The following NUTM1 variants were observed in gnomAD, a reference collection of about 807,000 sequenced individuals.
NUTM1 encodes NUT midline carcinoma family member 1, also known as NUT family member 1.
NUTM1 carries 39 observed loss-of-function variants against 88.7 expected under a neutral mutation model. That is an observed-to-expected ratio of 0.44 (90% confidence interval 0.34 to 0.57). The LOEUF (loss-of-function observed/expected upper bound fraction) is 0.57. NUTM1 is among the 20% of genes least tolerant of loss of function. The pLI is 0.01. For missense variants in NUTM1, 1,350 were observed against 1,414.5 expected, an observed-to-expected ratio of 0.95 and a Z score of 0.73; for synonymous variants, 494 against 538.0, an observed-to-expected ratio of 0.92 and a Z score of 1.13.
In NUTM1 at chr15:34,354,752, C is replaced by G. The variant is rs949822631; in HGVS notation, c.1362+20C>G. 5 of 1,612,872 alleles carry G rather than the reference C, an allele frequency of 3.1e-6. No homozygotes were observed. The highest frequency in any genetic ancestry group is 3.4e-6 in the Non-Finnish European group (4 of 1,179,430). ...TCCAAGGTGAGCTGGGCCTGCACAT[C>G]TTGTTTCTAGCAGATCCTTGGGGTG... On this transcript the variant is annotated intron_variant, in intron 6 of 7. Coordinates refer to ENST00000537011, the MANE Select transcript of NUTM1 (RefSeq NM_001284292.2).
chr15:34,352,689 C>T (rs1185650207), intron 4 of NUTM1, among the ~76,000 whole-genome samples: 2 of 149,594 alleles, frequency 1.3e-5, no homozygotes, highest in Non-Finnish European at 3.0e-5. Context: ...ACCTGTAGTC[C>T]CAGCTACTCA....
chr15:34,356,739 G>A lies in NUTM1; in HGVS notation c.2731G>A (p.Glu911Lys). 1.9e-6 allele frequency: 3 copies of A among 1,613,186 alleles called. No homozygotes were observed. The highest frequency in any genetic ancestry group is 2.5e-6 in the Non-Finnish European group (3 of 1,179,832). ...DASSLPEASQEAGSRGNSFSP... is the reference protein window; with the variant it reads ...DASSLPEASQKAGSRGNSFSP... ...CTCCTCCTTGCCTGAAGCCAGTCAA[G>A]AGGCAGGGAGCAGAGGCAATTCCTT... Residue 911 changes from glutamate to lysine, a missense_variant, in exon 8 of 8, where the codon GAG (glutamate) becomes AAG (lysine). Around this residue, in one of 5 missense-constraint regions of NUTM1, gnomAD observed 730 missense variants for 728.8 expected, o/e 1.00. Coordinates refer to ENST00000537011, the MANE Select transcript of NUTM1 (RefSeq NM_001284292.2).
chr15:34,353,659 T>C, intron 4 of NUTM1, 77 bp from the exon 5 acceptor site: 5 of 1,568,352 alleles, frequency 3.2e-6, no homozygotes, highest in South Asian at 2.3e-5. Flanking sequence ...TTCTTGGCCA[T>C]GCTTGGCTGT....
chr15:34,346,226 A>G (rs1890583870), intron 2 of NUTM1, among the ~76,000 whole-genome samples, 191 bp downstream of exon 2: 1 of 152,182 alleles, frequency 6.6e-6, no homozygotes, highest in African/African-American at 2.4e-5. Context: ...TTAAGGACAG[A>G]TTAAGGTGTC....
At chr15:34,347,819 C>T in intron 2 of NUTM1, 150 bp from the exon 3 acceptor site, 2 of 459,290 alleles carry the variant, frequency 4.4e-6, no homozygotes, top group Non-Finnish European at 7.4e-6. Context: ...TGCCACTGCA[C>T]TCCAGCCTGG....
In NUTM1 at chr15:34,343,533, C is replaced by T; in HGVS notation, c.-164C>T. The T allele has an allele frequency of 6.7e-7, 1 of 1,497,848 alleles. No homozygotes were observed. The highest frequency in any genetic ancestry group is 1.2e-5 in the South Asian group (1 of 82,134). The allele number at this position is 1,497,848 out of a possible 1,614,324, so 92.8% of individuals were successfully genotyped here. ...CCTCCCCTCTTTTACATCCAGTTCC[C>T]CTGCTCCATTTCAAAGCGTTGGCGG... On this transcript the variant is annotated 5_prime_UTR_variant, in exon 1 of 8. Transcript: ENST00000537011.
chr15:34,356,618 A>T lies in NUTM1; in HGVS notation c.2610A>T (p.Pro870=). 6.2e-7 allele frequency: 1 copy of T among 1,613,932 alleles called. No individual in the cohort carries two copies. ...ATCTGTGGGCAGAAGGTTGCTTCCC[A>T]TTGCTAGAAAGTGGTGATTCCACAC... The part of the protein sequence containing the change: ...PSDLWAEGCF[P]LLESGDSTLG... Residue 870 remains proline, a synonymous_variant, in exon 8 of 8, where the codon CCA becomes CCT. Transcript: ENST00000537011.
Position 34,343,474 on chromosome 15 carries a change from C to A in NUTM1, c.-223C>A. The A allele has an allele frequency of 9.5e-7, 1 of 1,055,282 alleles. No homozygotes were observed. Among genetic ancestry groups the A allele is most frequent in the South Asian group, 1.6e-5 (1 of 60,942 alleles). The allele number at this position is 1,055,282 out of a possible 1,614,324, so 65.4% of individuals were successfully genotyped here. ...ACAAGGGCTCCAGGATTCAGAGCCC[C>A]TTTACCCTAGGGAAGAAAGAAGAGG... is the stretch of plus-strand genomic sequence containing the variant. On this transcript the variant is annotated 5_prime_UTR_variant, in exon 1 of 8. Transcript: ENST00000537011.
chr15:34,353,965 G>T, intron 5 of NUTM1, 93 bp downstream of exon 5: 1 of 1,404,564 alleles, frequency 7.1e-7, no homozygotes, highest in Non-Finnish European at 9.8e-7. Flanking sequence ...GCATAGCCCA[G>T]GCTCTGCCAC....
At position 34,356,455 on chromosome 15, in the gene NUTM1, G is replaced by T. The variant is rs1203399207; in HGVS notation, c.2447G>T (p.Cys816Phe). The T allele has an allele frequency of 6.2e-7, 1 of 1,612,620 alleles. No individual in the cohort carries two copies. The highest frequency in any genetic ancestry group is 8.5e-7 in the Non-Finnish European group (1 of 1,179,136). Residue 816 changes from cysteine (C) to phenylalanine (F), a missense_variant, in exon 8 of 8, where the codon TGT becomes TTT. Around this residue, in one of 5 missense-constraint regions of NUTM1, gnomAD observed 730 missense variants for 728.8 expected, o/e 1.00. Transcript: ENST00000537011. ...GATACGGAGAGCAGTGTGATTCCCT[G>T]TGGAGGCACAGTTGCGGCAGCTGCC... ...PGDTESSVIP[C>F]GGTVAAAALE...
chr15:34,344,873 C>A (rs923354358), intron 1 of NUTM1, among the ~76,000 whole-genome samples: 1 of 152,016 alleles, frequency 6.6e-6, no homozygotes, highest in East Asian at 1.9e-4. Context: ...AAAAAATTAG[C>A]CGGGCATGGT....
At chr15:34,349,371 A>T (rs942587179) in intron 3 of NUTM1, among the ~76,000 whole-genome samples, 1 of 152,220 alleles carries the variant, frequency 6.6e-6, no homozygotes, top group African/African-American at 2.4e-5. Context: ...AAATGGGTTA[A>T]TATATGTGAA....
At chr15:34,353,564 C>A (rs1890746172) in intron 4 of NUTM1, among the ~76,000 whole-genome samples, 172 bp from the exon 5 acceptor site, 1 of 152,128 alleles carries the variant, frequency 6.6e-6, no homozygotes, top group African/African-American at 2.4e-5. Context: ...CCTGAAGTTT[C>A]CCTGGAAATA....
chr15:34,355,720 C>A lies in NUTM1; in HGVS notation c.1712C>A (p.Ala571Asp), dbSNP rs1344423674. ...AREVHGGQEQ[A>D]LDSPRGMHRD... is the part of the protein sequence containing the mutation. ...GAAGTGCATGGTGGGCAGGAGCAAGCCCTAGATAGCCCCAGAGGGATGCAC... is the reference window on the plus strand; with the variant it reads ...GAAGTGCATGGTGGGCAGGAGCAAGACCTAGATAGCCCCAGAGGGATGCAC... Residue 571 changes from alanine to aspartate, a missense_variant, in exon 8 of 8, where the codon GCC becomes GAC. By Grantham distance (126) the Ala-to-Asp change is moderately radical. Around this residue, in one of 5 missense-constraint regions of NUTM1, gnomAD observed 730 missense variants for 728.8 expected, o/e 1.00. Coordinates refer to ENST00000537011, the MANE Select transcript of NUTM1 (RefSeq NM_001284292.2). The surrounding 1 kb of genome is among the most constrained non-coding windows in gnomAD (Gnocchi z 4.3). 6.2e-7 allele frequency: 1 copy of A among 1,612,996 alleles called. No individual in the cohort carries two copies. The highest frequency in any genetic ancestry group is 8.5e-7 in the Non-Finnish European group (1 of 1,179,442).
intron 1 of NUTM1, chr15:34,345,731 C>T: frequency 1.7e-6 from 1 of 596,256 alleles, no homozygotes; most frequent in East Asian, 3.1e-5. Context: ...AAGAGGCAAA[C>T]ATCAATTGTG....
intron 4 of NUTM1, 97 bp downstream of exon 4, chr15:34,350,929 C>T: frequency 6.6e-7 from 1 of 1,505,046 alleles, no homozygotes; most frequent in African/African-American, 1.4e-5. Context: ...TATCAAAAGC[C>T]ATGTTAGGAT....
Position 34,356,654 on chromosome 15 carries a change from C to T in NUTM1, c.2646C>T (p.Ser882=), listed in dbSNP as rs539617844. The change falls in exon 8 of 8, where the codon TCC becomes TCT. Residue 882 remains serine (S), a synonymous_variant. Transcript: ENST00000537011. ...LESGDSTLGS[S]KETLPPTCQG... ...GTGGTGATTCCACACTGGGGTCTTC[C>T]AAAGAAACCCTTCCACCCACATGCC... The T allele has an allele frequency of 1.2e-6, 2 of 1,613,790 alleles. No homozygotes were observed. Among genetic ancestry groups the T allele is most frequent in the South Asian group, 1.1e-5 (1 of 91,048 alleles).
Position 34,357,569 on chromosome 15 carries a change from C to T in NUTM1, c.*78C>T. 6.2e-7 allele frequency: 1 copy of T among 1,605,398 alleles called. No individual in the cohort carries two copies. The highest frequency in any genetic ancestry group is 1.3e-5 in the African/African-American group (1 of 75,026). ...CAGAGTAGATTCCACCCCTGCTGCCCACCAATGGAGAATCCCAATGTTGAA... is the reference window on the plus strand; with the variant it reads ...CAGAGTAGATTCCACCCCTGCTGCCTACCAATGGAGAATCCCAATGTTGAA... On this transcript the variant is annotated 3_prime_UTR_variant, in exon 8 of 8. Transcript: ENST00000537011.
intron 3 of NUTM1, among the ~76,000 whole-genome samples, chr15:34,350,002 A>G (rs1890677191): frequency 6.6e-6 from 1 of 152,194 alleles, no homozygotes. Flanking sequence ...AGCTCCTAAA[A>G]TGCTCAGTTG....
Sources: allele counts gnomAD v4.1 joint callset (sites outside exome capture counted in the v4.1 genomes callset), GRCh38; gene constraint gnomAD v4.1.1; regional missense constraint gnomAD v4.1.1; non-coding constraint Gnocchi (gnomAD v3.1); transcripts MANE v1.5; gene names NCBI Gene and HGNC (gene_info 2026-07-23, HGNC 2026-07-21).